Variants in CDK6 observed in about 807,000 individuals in gnomAD.
The protein encoded by CDK6 is cyclin-dependent kinase 6.
A neutral mutation model predicts 37.1 loss-of-function variants in CDK6; 6 were observed. The observed-to-expected ratio is 0.16, with a 90% CI of 0.09 to 0.32. The LOEUF (loss-of-function observed/expected upper bound fraction) is 0.32. CDK6 is among the 10% of genes least tolerant of loss of function. The pLI is 1.00. For missense variants in CDK6, 224 were observed against 418.9 expected (o/e 0.53, Z 4.06); for synonymous variants, 160 against 161.3 (o/e 0.99, Z 0.06).
chr7:92,796,090 GAAAAAAAAAA>G (rs756349460), intron 2 of CDK6, among the ~76,000 whole-genome samples: 1 of 69,404 alleles, frequency 1.4e-5, no homozygotes, highest in Non-Finnish European at 2.6e-5. Flanking sequence ...TTAACTTGGA[GAAAAAAAAAA>G]AAAAACTCAT....
At chr7:92,681,340 C>T (rs1307761444) in intron 4 of CDK6, among the ~76,000 whole-genome samples, 5 of 152,064 alleles carry the variant, frequency 3.3e-5, no homozygotes, top group African/African-American at 2.4e-5. Context: ...GCTGTGTACT[C>T]GTGTCAGGGG....
At chr7:92,785,424 T>A (rs764732482) in intron 2 of CDK6, among the ~76,000 whole-genome samples, 15 of 152,164 alleles carry the variant, frequency 9.9e-5, no homozygotes, top group Non-Finnish European at 2.2e-4. Context: ...TAATGTGTAC[T>A]GGGTTTCTTC....
At chr7:92,678,590 C>T (rs910321569) in intron 4 of CDK6, among the ~76,000 whole-genome samples, 2 of 152,082 alleles carry the variant, frequency 1.3e-5, no homozygotes, top group East Asian at 1.9e-4. Flanking sequence ...CAGAGTAAAC[C>T]GCTCTCACTT....
chr7:92,623,552 A>T (rs1294852510), intron 5 of CDK6, among the ~76,000 whole-genome samples: 1 of 152,074 alleles, frequency 6.6e-6, no homozygotes. Flanking sequence ...GCTGCAGTGA[A>T]CCACCTCTGG....
intron 3 of CDK6, among the ~76,000 whole-genome samples, chr7:92,734,561 C>T (rs1000521623): frequency 5.3e-5 from 8 of 152,158 alleles, no homozygotes; most frequent in Non-Finnish European, 8.8e-5. Context: ...CCACATTGTA[C>T]TAATGGGTGT....
chr7:92,833,494 T>C lies in CDK6; in HGVS notation c.-171A>G. 1.7e-6 allele frequency: 1 copy of C among 572,912 alleles called. No individual in the cohort carries two copies. Among genetic ancestry groups the C allele is most frequent in the East Asian group, 3.1e-5 (1 of 32,048 alleles). The allele number at this position is 572,912 out of a possible 1,614,324, so 35.5% of individuals were successfully genotyped here. Reference sequence around the variant, plus strand: ...CTGGGGCTTTCGCCGCTGCAGAAGCTGGATGGAGAGACCTCCCCGCGGGGC... The same window carrying C: ...CTGGGGCTTTCGCCGCTGCAGAAGCCGGATGGAGAGACCTCCCCGCGGGGC... On this transcript the variant is annotated 5_prime_UTR_variant, in exon 2 of 8. Coordinates refer to ENST00000424848, the MANE Select transcript of CDK6 (RefSeq NM_001145306.2). The surrounding 1 kb of genome is among the most constrained non-coding windows in gnomAD (Gnocchi z 6.1).
chr7:92,606,738 C>G lies in CDK6; in HGVS notation c.*8402G>C, dbSNP rs1795438037. 1 of 232,942 alleles carries G rather than the reference C, an allele frequency of 4.3e-6. No homozygotes were observed. Among genetic ancestry groups the G allele is most frequent in the African/African-American group, 2.2e-5 (1 of 45,294 alleles). The allele number at this position is 232,942 out of a possible 1,614,324, so 14.4% of individuals were successfully genotyped here. The stretch of plus-strand genomic sequence containing the variant: ...CTGAAACCTAAGAGAAAGTTTTAAC[C>G]AGGCCCTATGGCAATGCAGAAACAC... On this transcript the variant is annotated 3_prime_UTR_variant, in exon 8 of 8. Transcript: ENST00000424848.
intron 4 of CDK6, among the ~76,000 whole-genome samples, chr7:92,677,992 C>T (rs1797245883): frequency 1.3e-5 from 2 of 152,196 alleles, no homozygotes; most frequent in African/African-American, 2.4e-5. Flanking sequence ...GACTGCTGAA[C>T]TTAAAACCAG....
At position 92,808,376 on chromosome 7, in the gene CDK6, A is replaced by G. The variant is rs572334427; in HGVS notation, c.233+24715T>C. On this transcript the variant is annotated intron_variant, in intron 2 of 7. Coordinates refer to ENST00000424848, the MANE Select transcript of CDK6 (RefSeq NM_001145306.2). The stretch of plus-strand genomic sequence containing the variant: ...TTCTTTGCTTTTGCCTATATTGGCC[A>G]GTATTCTCACATTTAGAATGCTTGA... Among the ~76,000 whole-genome samples, 4 of 152,380 alleles carry G rather than the reference A, an allele frequency of 2.6e-5. No individual in the cohort carries two copies. In the South Asian group the frequency reaches 8.3e-4, roughly 32 times the overall value.
intron 4 of CDK6, among the ~76,000 whole-genome samples, chr7:92,700,807 G>A (rs1480877843): frequency 6.6e-6 from 1 of 152,234 alleles, no homozygotes; most frequent in Non-Finnish European, 1.5e-5. Context: ...ATACCACGAT[G>A]TCACAGAAGT....
At chr7:92,633,380 T>C (rs1300587804) in intron 5 of CDK6, among the ~76,000 whole-genome samples, 1 of 152,064 alleles carries the variant, frequency 6.6e-6, no homozygotes, top group South Asian at 2.1e-4. Context: ...GGTTTTTTGT[T>C]CAGTAATATT....
intron 4 of CDK6, among the ~76,000 whole-genome samples, chr7:92,681,647 A>T (rs1797338395): frequency 6.6e-6 from 1 of 152,234 alleles, no homozygotes; most frequent in Non-Finnish European, 1.5e-5. Context: ...TGGCTGAAGT[A>T]CAACTGGGTT....
chr7:92,614,837 G>A lies in CDK6; in HGVS notation c.*303C>T. 2.6e-6 allele frequency: 1 copy of A among 385,030 alleles called. No homozygotes were observed. 23.9% of individuals were successfully genotyped at this position (385,030 alleles called of 1,614,324 possible). ...CCACTCCACACTGGCAGCATTCAAGGTTAGAAAAATCAAATGGCAGCACAA... is the reference window on the plus strand; with the variant it reads ...CCACTCCACACTGGCAGCATTCAAGATTAGAAAAATCAAATGGCAGCACAA... On this transcript the variant is annotated 3_prime_UTR_variant, in exon 8 of 8. Coordinates refer to ENST00000424848, the MANE Select transcript of CDK6 (RefSeq NM_001145306.2).
chr7:92,739,148 A>G (rs1285772865), intron 3 of CDK6, among the ~76,000 whole-genome samples: 1 of 152,106 alleles, frequency 6.6e-6, no homozygotes, highest in Non-Finnish European at 1.5e-5. Flanking sequence ...AAAAACATTC[A>G]CCATTTGTTT....
chr7:92,625,254 AC>A (rs1236698739), intron 5 of CDK6, among the ~76,000 whole-genome samples: 1 of 151,052 alleles, frequency 6.6e-6, no homozygotes, highest in Non-Finnish European at 1.5e-5. Flanking sequence ...ACACACACAC[AC>A]ACACCTCTCT....
intron 2 of CDK6, among the ~76,000 whole-genome samples, chr7:92,810,904 A>T (rs977995897): frequency 6.6e-6 from 1 of 152,154 alleles, no homozygotes; most frequent in African/African-American, 2.4e-5. Flanking sequence ...AACCCCATCT[A>T]AAAATACAAC....
intron 2 of CDK6, among the ~76,000 whole-genome samples, chr7:92,828,387 A>C (rs929057749): frequency 5.3e-5 from 8 of 149,938 alleles, no homozygotes; most frequent in African/African-American, 2.0e-4. Context: ...CTTCCATCAA[A>C]CAAACAAACA....
At chr7:92,764,516 C>T (rs890758566) in intron 3 of CDK6, among the ~76,000 whole-genome samples, 2 of 152,136 alleles carry the variant, frequency 1.3e-5, no homozygotes, top group African/African-American at 2.4e-5. Flanking sequence ...ATGCTAAGTC[C>T]TTAATTAAAT....
At chr7:92,635,937 A>T (rs1280900057) in intron 5 of CDK6, among the ~76,000 whole-genome samples, 1 of 152,228 alleles carries the variant, frequency 6.6e-6, no homozygotes, top group African/African-American at 2.4e-5. Context: ...TGATAAGAGC[A>T]GGAGCTGTAA....
Sources: allele counts gnomAD v4.1 joint callset (sites outside exome capture counted in the v4.1 genomes callset), GRCh38; gene constraint gnomAD v4.1.1; non-coding constraint Gnocchi (gnomAD v3.1); transcripts MANE v1.5; gene names NCBI Gene and HGNC (gene_info 2026-07-23, HGNC 2026-07-21).